Variants in BIN2 observed in about 807,000 individuals in gnomAD.
BIN2 encodes bridging integrator 2.
BIN2 carries 43 observed loss-of-function variants against 67.9 expected under a neutral mutation model. That is an observed-to-expected ratio of 0.63 (90% CI 0.50 to 0.82). The LOEUF (loss-of-function observed/expected upper bound fraction) is 0.82, where lower values mean the gene tolerates loss of function less well. Among genes scored for constraint, BIN2 ranks in the 40% least tolerant of loss-of-function variants. The probability of loss-of-function intolerance (pLI) is 0.00; values close to 1 mark genes in which losing one functional copy is unlikely to be tolerated. For missense variants in BIN2, 581 were observed against 671.6 expected (o/e 0.87, Z 1.49); for synonymous variants, 244 against 246.8 (o/e 0.99, Z 0.11).
intron 8 of BIN2, 55 bp from the exon 9 acceptor site, chr12:51,295,933 A>C: frequency 7.0e-7 from 1 of 1,420,310 alleles, no homozygotes; most frequent in Non-Finnish European, 9.9e-7. Flanking sequence ...CGAGAGTGGC[A>C]TATCCCTTCT....
At chr12:51,288,981 C>T (rs1945316966) in intron 10 of BIN2, among the ~76,000 whole-genome samples, 1 of 152,036 alleles carries the variant, frequency 6.6e-6, no homozygotes, top group Admixed American at 6.6e-5. Context: ...ATCTCCTGAC[C>T]TCATGATCCG....
intron 9 of BIN2, among the ~76,000 whole-genome samples, chr12:51,294,660 TACATTTAG>T (rs1489855922): frequency 1.5e-4 from 2 of 12,944 alleles, no homozygotes; most frequent in Admixed American, 2.1e-3. Flanking sequence ...GTGTGCATGT[TACATTTAG>T]TATTACATTT....
chr12:51,285,475 A>AAAAG (rs1945212815), intron 11 of BIN2, among the ~76,000 whole-genome samples: 1 of 152,144 alleles, frequency 6.6e-6, no homozygotes, highest in Admixed American at 6.6e-5. Context: ...AATTTTAAAA[A>AAAAG]AAAGAAAGAA....
At chr12:51,316,270 G>T (rs2137437945) in intron 1 of BIN2, among the ~76,000 whole-genome samples, 1 of 150,990 alleles carries the variant, frequency 6.6e-6, no homozygotes, top group South Asian at 2.1e-4. Flanking sequence ...ATCACTTGAG[G>T]TCAGGAGTTC....
chr12:51,302,746 G>A lies in BIN2; in HGVS notation c.252C>T (p.Thr84=), dbSNP rs1945762172. 6.2e-7 allele frequency: 1 copy of A among 1,614,024 alleles called. No homozygotes were observed. Among genetic ancestry groups the A allele is most frequent in the East Asian group, 2.2e-5 (1 of 44,884 alleles). ...ACTCGCTGCTGTAGATCTCCTGCAG[G>A]GTTTCTGACACTCTTTTTGAACTTT... ...MHESSKRVSE[T]LQEIYSSEWD... Residue 84 remains threonine (T), a synonymous_variant, in exon 4 of 13, where the codon ACC becomes ACT. Coordinates refer to ENST00000615107, the MANE Select transcript of BIN2 (RefSeq NM_016293.4).
intron 2 of BIN2, among the ~76,000 whole-genome samples, chr12:51,307,478 G>T (rs1183312115): frequency 6.6e-6 from 1 of 151,594 alleles, no homozygotes; most frequent in Admixed American, 6.6e-5. Context: ...GGAGGCCGAG[G>T]CAGGTAGATC....
chr12:51,299,143 C>CAAGGCACACAAGGTGCCTTGTGTGAAGCA (rs1945650226), intron 7 of BIN2, 60 bp downstream of exon 7: 9 of 1,226,560 alleles, frequency 7.3e-6, no homozygotes, highest in African/African-American at 6.0e-5. Context: ...TACTTACTGT[C>CAAGGCACACAAGGTGCCTTGTGTGAAGCA]AAGGCACACA....
intron 9 of BIN2, among the ~76,000 whole-genome samples, chr12:51,294,035 C>A (rs531185837): frequency 8.2e-4 from 125 of 152,310 alleles, no homozygotes; most frequent in Non-Finnish European, 1.3e-4. Context: ...AAATGTAAAA[C>A]ATGTTCATCA....
In BIN2 at chr12:51,302,144, G is replaced by A. The variant is rs527662671; in HGVS notation, c.313-29C>T. On this transcript the variant is annotated intron_variant, in intron 4 of 12. Coordinates refer to ENST00000615107, the MANE Select transcript of BIN2 (RefSeq NM_016293.4). ...TAGGATAGAGTCAGAGGCTGGTGAA[G>A]GCTCCACTTCCCAACAACAACTGCC... 1.4e-5 allele frequency: 21 copies of A among 1,536,608 alleles called. No homozygotes were observed. The East Asian group carries it at 4.0e-4, about 30-fold the overall frequency.
chr12:51,313,339 A>G (rs1218070634), intron 2 of BIN2, among the ~76,000 whole-genome samples: 1 of 146,246 alleles, frequency 6.8e-6, no homozygotes, highest in Non-Finnish European at 1.5e-5. Flanking sequence ...CTTTATTTTT[A>G]TTTTTACTTT....
chr12:51,302,821 A>G (rs1945765017), intron 3 of BIN2, 41 bp from the exon 4 acceptor site: 1 of 1,529,132 alleles, frequency 6.5e-7, no homozygotes. Context: ...TGTTTCCCCA[A>G]CAGTAGTTGG....
intron 7 of BIN2, chr12:51,297,372 T>C (rs903446047): frequency 6.9e-5 from 28 of 405,392 alleles, no homozygotes; most frequent in African/African-American, 4.9e-4. Context: ...ATCAAGACCA[T>C]CCTGGCTAAC....
chr12:51,289,451 C>A (rs1414472580), intron 10 of BIN2, among the ~76,000 whole-genome samples: 1 of 151,684 alleles, frequency 6.6e-6, no homozygotes, highest in Admixed American at 6.6e-5. Flanking sequence ...CCCATCTCTA[C>A]CAAAAATACA....
upstream of BIN2, chr12:51,324,247 G>GC: frequency 3.5e-6 from 5 of 1,437,418 alleles, no homozygotes; most frequent in South Asian, 5.8e-5. Context: ...CAGCCCTGAG[G>GC]CCCGCCCCTC....
intron 11 of BIN2, among the ~76,000 whole-genome samples, chr12:51,285,744 C>A (rs1333348006): frequency 6.6e-6 from 1 of 151,766 alleles, no homozygotes; most frequent in Non-Finnish European, 1.5e-5. Flanking sequence ...CTGCCTCAGT[C>A]TCCCAAGTAG....
upstream of BIN2, chr12:51,324,312 A>G: frequency 7.4e-7 from 1 of 1,352,580 alleles, no homozygotes; most frequent in Non-Finnish European, 9.7e-7. Flanking sequence ...CCCGGGGCCT[A>G]CCCTCAGGCA....
chr12:51,307,156 G>A (rs1051807615), intron 2 of BIN2, among the ~76,000 whole-genome samples: 11 of 151,674 alleles, frequency 7.3e-5, no homozygotes, highest in Admixed American at 4.6e-4. Context: ...GGTGGCACAC[G>A]CCTGTAATAC....
intron 7 of BIN2, among the ~76,000 whole-genome samples, chr12:51,298,807 G>C (rs1267546093): frequency 6.6e-6 from 1 of 152,030 alleles, no homozygotes. Flanking sequence ...GGTGGCTCAC[G>C]CCTGTAATCC....
At chr12:51,295,687 C>A in intron 9 of BIN2, 109 bp downstream of exon 9, 1 of 674,670 alleles carries the variant, frequency 1.5e-6, no homozygotes, top group Non-Finnish European at 2.4e-6. Context: ...CAAACATCAT[C>A]ACGCACATGC....
Sources: allele counts gnomAD v4.1 joint callset (sites outside exome capture counted in the v4.1 genomes callset), GRCh38; gene constraint gnomAD v4.1.1; transcripts MANE v1.5; gene names NCBI Gene and HGNC (gene_info 2026-07-23, HGNC 2026-07-21).